The following CELSR1 variants were observed in gnomAD, a reference collection of about 807,000 sequenced individuals.
CELSR1 encodes cadherin EGF LAG seven-pass G-type receptor 1, also known as adhesion G protein-coupled receptor C1.
In CELSR1, 110 loss-of-function variants were observed where a neutral mutation model predicts 249.1. That is an observed-to-expected ratio of 0.44 (90% CI 0.38 to 0.52). The LOEUF (loss-of-function observed/expected upper bound fraction) is 0.52. Among genes scored for constraint, CELSR1 ranks in the 20% least tolerant of loss-of-function variants. The probability of loss-of-function intolerance (pLI) is 0.00; values close to 1 mark genes in which losing one functional copy is unlikely to be tolerated. For synonymous variants in CELSR1, 2,113 were observed against 1,900.0 expected, an observed-to-expected ratio of 1.11 and a Z score of -2.92; for missense variants, 4,109 against 4,296.4, an observed-to-expected ratio of 0.96 and a Z score of 1.22.
intron 30 of CELSR1, 105 bp from the exon 31 acceptor site, chr22:46,365,794 A>G (rs1371975188): frequency 2.9e-6 from 2 of 680,240 alleles, no homozygotes; most frequent in Non-Finnish European, 4.5e-6. Flanking sequence ...TGTGTTCCCA[A>G]CAACAGCACA....
chr22:46,477,599 C>T (rs1202701988), intron 1 of CELSR1, among the ~76,000 whole-genome samples: 1 of 151,530 alleles, frequency 6.6e-6, no homozygotes. Context: ...CCTCCACCTC[C>T]CGAGTTCAAG....
chr22:46,391,534 G>C lies in CELSR1; in HGVS notation c.6148+99C>G. On this transcript the variant is annotated intron_variant, in intron 15 of 34. Transcript: ENST00000674500. This position sits in a 1 kb window ranked among gnomAD's most constrained non-coding sequence, Gnocchi z 4.3. Reference sequence around the variant, plus strand: ...GAACTCAGAACACGAGGGAGCCCAGGGTCCCCCAAACACCCAGCGTGCATG... The same window carrying C: ...GAACTCAGAACACGAGGGAGCCCAGCGTCCCCCAAACACCCAGCGTGCATG... 1 of 1,347,828 alleles carries C rather than the reference G, an allele frequency of 7.4e-7. No homozygotes were observed. The highest frequency in any genetic ancestry group is 9.9e-7 in the Non-Finnish European group (1 of 1,014,556). 83.5% of individuals were successfully genotyped at this position (1,347,828 alleles called of 1,614,324 possible).
intron 5 of CELSR1, among the ~76,000 whole-genome samples, chr22:46,421,053 C>A (rs1220895701): frequency 6.6e-6 from 1 of 152,234 alleles, no homozygotes; most frequent in African/African-American, 2.4e-5. Flanking sequence ...ATCATCTACT[C>A]TGTGCTTCAG....
At chr22:46,531,172 T>C (rs1336073116) in intron 1 of CELSR1, among the ~76,000 whole-genome samples, 1 of 150,798 alleles carries the variant, frequency 6.6e-6, no homozygotes, top group African/African-American at 2.4e-5. Context: ...TGGTCTGAGA[T>C]TTCTGCGCAT....
chr22:46,501,929 G>A (rs969461109), intron 1 of CELSR1, among the ~76,000 whole-genome samples: 10 of 152,262 alleles, frequency 6.6e-5, no homozygotes, highest in African/African-American at 1.9e-4. Context: ...AAGGAGCAGA[G>A]GAAGCTCATT....
intron 1 of CELSR1, among the ~76,000 whole-genome samples, chr22:46,519,038 A>T (rs1223771916): frequency 6.6e-5 from 10 of 152,086 alleles, no homozygotes; most frequent in African/African-American, 2.4e-4. Flanking sequence ...GTATCAAAAA[A>T]AAAAAACACC....
At chr22:46,386,950 G>T (rs1369916088) in intron 18 of CELSR1, among the ~76,000 whole-genome samples, 1 of 152,068 alleles carries the variant, frequency 6.6e-6, no homozygotes, top group Non-Finnish European at 1.5e-5. Context: ...TAGAGACGGG[G>T]CTTCACCATG....
chr22:46,490,097 C>T lies in CELSR1; in HGVS notation c.3545-25752G>A, dbSNP rs1390789114. Reference sequence around the variant, plus strand: ...GACCCAGTGAGCCGCTTTCTGAGAACCAACGTTCCCAAGTGCAAAGTGTAC... The same window carrying T: ...GACCCAGTGAGCCGCTTTCTGAGAATCAACGTTCCCAAGTGCAAAGTGTAC... On this transcript the variant is annotated intron_variant, in intron 1 of 34. Coordinates refer to ENST00000674500, the MANE Select transcript of CELSR1 (RefSeq NM_001378328.1). This position sits in a 1 kb window ranked among gnomAD's most constrained non-coding sequence, Gnocchi z 5.2. 2.0e-5 allele frequency among the ~76,000 whole-genome samples: 3 copies of T among 152,258 alleles called. No individual in the cohort carries two copies. The South Asian group carries it at 6.2e-4, about 32-fold the overall frequency.
rs758508203 is a variant in CELSR1, at chr22:46,411,639, T to G, written c.4732A>C (p.Ser1578Arg). The G allele has an allele frequency of 6.2e-7, 1 of 1,614,202 alleles. No individual in the cohort carries two copies. Among genetic ancestry groups the G allele is most frequent in the Admixed American group, 1.7e-5 (1 of 60,034 alleles). ...GTCTGAGTGCCCTGGGCAGCGCAGC[T>G]GTAGTTCCCGATGTCCTTTCCAAAG... ...VRFGKDIGNY[S>R]CAAQGTQTGS... Residue 1578 changes from serine to arginine, a missense_variant, in exon 6 of 35, where the codon AGC (serine) becomes CGC (arginine). Coordinates refer to ENST00000674500, the MANE Select transcript of CELSR1 (RefSeq NM_001378328.1). This position sits in a 1 kb window ranked among gnomAD's most constrained non-coding sequence, Gnocchi z 4.2.
In CELSR1 at chr22:46,373,044, A is replaced by G. The variant is rs1226180460; in HGVS notation, c.7598T>C (p.Val2533Ala). 2 of 1,607,908 alleles carry G rather than the reference A, an allele frequency of 1.2e-6. No homozygotes were observed. The highest frequency in any genetic ancestry group is 1.7e-6 in the Non-Finnish European group (2 of 1,177,166). Residue 2533 changes from valine (V) to alanine (A), a missense_variant, in exon 25 of 35, where the codon GTG becomes GCG. Physicochemically the swap from Val to Ala is moderately conservative, Grantham distance 64 (BLOSUM62 0). Around this residue, in one of 7 missense-constraint regions of CELSR1, gnomAD observed 1,805 missense variants for 1,831.6 expected, o/e 0.99. Coordinates refer to ENST00000674500, the MANE Select transcript of CELSR1 (RefSeq NM_001378328.1). ...NQTENPFLCT[V>A]VAILLHYIYM... ...GATGTAGTGGAGGAGGATGGCAACC[A>G]CTGTGCACAGAAACTGCGCAGGGAG...
intron 1 of CELSR1, among the ~76,000 whole-genome samples, chr22:46,525,802 T>C (rs1290737619): frequency 1.3e-5 from 2 of 152,232 alleles, no homozygotes; most frequent in Non-Finnish European, 2.9e-5. Flanking sequence ...GGTTCTGCTA[T>C]CGGGTTTCAA....
chr22:46,519,872 CTTTT>C (rs369906485), intron 1 of CELSR1, among the ~76,000 whole-genome samples: 2 of 138,896 alleles, frequency 1.4e-5, no homozygotes, highest in Non-Finnish European at 3.1e-5. Context: ...ACCCCTATTG[CTTTT>C]TTTTTTTTTT....
intron 3 of CELSR1, among the ~76,000 whole-genome samples, chr22:46,438,434 T>C (rs1225240038): frequency 6.6e-6 from 1 of 152,088 alleles, no homozygotes; most frequent in Non-Finnish European, 1.5e-5. Flanking sequence ...GCTCCCAAAG[T>C]GTCACTGCCC....
chr22:46,395,199 T>A lies in CELSR1; in HGVS notation c.5844-937A>T, dbSNP rs2079135003. On this transcript the variant is annotated intron_variant, in intron 13 of 34. Coordinates refer to ENST00000674500, the MANE Select transcript of CELSR1 (RefSeq NM_001378328.1). This position sits in a 1 kb window ranked among gnomAD's most constrained non-coding sequence, Gnocchi z 5.5. Reference sequence around the variant, plus strand: ...CAGCGTGGGGGCCCCAGAACCTTCATCCCCCTGCAGCAGTGGTGACTGTGG... The same window carrying A: ...CAGCGTGGGGGCCCCAGAACCTTCAACCCCCTGCAGCAGTGGTGACTGTGG... 6.6e-6 allele frequency among the ~76,000 whole-genome samples: 1 copy of A among 152,000 alleles called. No homozygotes were observed. Among genetic ancestry groups the A allele is most frequent in the Non-Finnish European group, 1.5e-5 (1 of 67,972 alleles).
chr22:46,464,123 T>C lies in CELSR1; in HGVS notation c.3767A>G (p.Asn1256Ser). 1 of 1,613,858 alleles carries C rather than the reference T, an allele frequency of 6.2e-7. No homozygotes were observed. Among genetic ancestry groups the C allele is most frequent in the Non-Finnish European group, 8.5e-7 (1 of 1,180,032 alleles). ...NVQNDTDVSS[N>S]ILNVTFSALL... Reference sequence around the variant, plus strand: ...CGCCGAGAAGGTCACGTTCAGGATGTTGGAGCTGACGTCGGTGTCGTTCTG... The same window carrying C: ...CGCCGAGAAGGTCACGTTCAGGATGCTGGAGCTGACGTCGGTGTCGTTCTG... Residue 1256 changes from asparagine to serine, a missense_variant, in exon 2 of 35, where the codon AAC (asparagine) becomes AGC (serine). Around this residue, in one of 7 missense-constraint regions of CELSR1, gnomAD observed 141 missense variants for 209.4 expected, o/e 0.67. Coordinates refer to ENST00000674500, the MANE Select transcript of CELSR1 (RefSeq NM_001378328.1). This position sits in a 1 kb window ranked among gnomAD's most constrained non-coding sequence, Gnocchi z 8.5.
chr22:46,370,320 C>T, intron 25 of CELSR1: 1 of 362,142 alleles, frequency 2.8e-6, no homozygotes, highest in Non-Finnish European at 5.5e-6. Flanking sequence ...TACACATGTA[C>T]ATACCCTATA....
At chr22:46,456,175 C>T (rs1016619375) in intron 2 of CELSR1, among the ~76,000 whole-genome samples, 1 of 152,250 alleles carries the variant, frequency 6.6e-6, no homozygotes, top group Non-Finnish European at 1.5e-5. Flanking sequence ...GGAAGTGAAG[C>T]TTTAATCCTG....
chr22:46,456,382 G>A (rs540177961), intron 2 of CELSR1, among the ~76,000 whole-genome samples: 6 of 152,188 alleles, frequency 3.9e-5, no homozygotes, highest in South Asian at 2.1e-4. Flanking sequence ...AAAATAGGCC[G>A]GGCACGGTGG....
rs1158054458 is a variant in CELSR1, at chr22:46,428,303, G to A, written c.4611+5090C>T. The stretch of plus-strand genomic sequence containing the variant: ...GACTCCAGCAGCCAGCTCAGGCATG[G>A]GGCTTCATTGCGTGTGGTCTAGCCA... On this transcript the variant is annotated intron_variant, in intron 5 of 34. Coordinates refer to ENST00000674500, the MANE Select transcript of CELSR1 (RefSeq NM_001378328.1). This position sits in a 1 kb window ranked among gnomAD's most constrained non-coding sequence, Gnocchi z 5.7. Among the ~76,000 whole-genome samples the A allele has an allele frequency of 6.6e-6, 1 of 152,250 alleles. No individual in the cohort carries two copies. Among genetic ancestry groups the A allele is most frequent in the East Asian group, 1.9e-4 (1 of 5,200 alleles).
Sources: allele counts gnomAD v4.1 joint callset (sites outside exome capture counted in the v4.1 genomes callset), GRCh38; gene constraint gnomAD v4.1.1; regional missense constraint gnomAD v4.1.1; non-coding constraint Gnocchi (gnomAD v3.1); transcripts MANE v1.5; gene names NCBI Gene and HGNC (gene_info 2026-07-23, HGNC 2026-07-21).